The following NOL4 variants were observed in gnomAD, a reference collection of about 807,000 sequenced individuals.
The protein encoded by NOL4 is nucleolar protein 4.
NOL4 carries 17 observed loss-of-function variants against 75.9 expected under a neutral mutation model. That is an observed-to-expected ratio of 0.22 (90% CI 0.15 to 0.34). NOL4 has a LOEUF of 0.34. Among genes scored for constraint, NOL4 ranks in the 10% least tolerant of loss-of-function variants. The pLI is 1.00. For synonymous variants in NOL4, 292 were observed against 289.9 expected (o/e 1.01, Z -0.07); for missense variants, 614 against 793.5 (o/e 0.77, Z 2.72).
intron 6 of NOL4, among the ~76,000 whole-genome samples, chr18:34,013,203 T>C (rs2074478682): frequency 6.6e-6 from 1 of 151,974 alleles, no homozygotes; most frequent in Non-Finnish European, 1.5e-5. Context: ...CTTTATCCTG[T>C]GGCTAAAGTT....
intron 2 of NOL4, among the ~76,000 whole-genome samples, chr18:34,117,761 ACTGC>A (rs2079929421): frequency 6.6e-6 from 1 of 152,198 alleles, no homozygotes; most frequent in African/African-American, 2.4e-5. Flanking sequence ...AATGTAAATA[ACTGC>A]CTCTTCCTAA....
chr18:34,043,864 C>A (rs2076246858), intron 5 of NOL4, among the ~76,000 whole-genome samples: 1 of 152,012 alleles, frequency 6.6e-6, no homozygotes, highest in Non-Finnish European at 1.5e-5. Context: ...AAAGGCCCAA[C>A]CTTTTGACTT....
chr18:34,065,070 G>A (rs544857106), intron 5 of NOL4, among the ~76,000 whole-genome samples: 155 of 151,914 alleles, frequency 1.0e-3, no homozygotes, highest in African/African-American at 3.6e-3. Flanking sequence ...AATAAAAACA[G>A]GCAGTCAACT....
At chr18:34,217,524 C>A (rs1251665874) in intron 1 of NOL4, among the ~76,000 whole-genome samples, 1 of 152,014 alleles carries the variant, frequency 6.6e-6, no homozygotes, top group Non-Finnish European at 1.5e-5. Context: ...TGAGCTCAGG[C>A]AATCCGCCTG....
intron 9 of NOL4, among the ~76,000 whole-genome samples, chr18:33,934,932 C>T (rs571186730): frequency 1.1e-4 from 17 of 148,496 alleles, no homozygotes; most frequent in Non-Finnish European, 2.2e-4. Flanking sequence ...AATCATGGCT[C>T]ACTGCAGCCT....
intron 10 of NOL4, among the ~76,000 whole-genome samples, chr18:33,867,676 AC>A (rs1448498871): frequency 4.1e-5 from 6 of 147,250 alleles, no homozygotes; most frequent in African/African-American, 1.5e-4. Context: ...ACACACACAC[AC>A]ACAATTCCAT....
At chr18:34,162,818 G>A (rs1337934066) in intron 1 of NOL4, among the ~76,000 whole-genome samples, 1 of 152,130 alleles carries the variant, frequency 6.6e-6, no homozygotes, top group Non-Finnish European at 1.5e-5. Context: ...ATATCCTGAT[G>A]AACATTGATG....
intron 5 of NOL4, among the ~76,000 whole-genome samples, chr18:34,081,819 TACATA>T (rs1382129277): frequency 6.6e-6 from 1 of 152,184 alleles, no homozygotes; most frequent in East Asian, 1.9e-4. Context: ...AAAAGTCAAT[TACATA>T]TTTAACAGAT....
chr18:34,179,770 A>G (rs924714350), intron 1 of NOL4, among the ~76,000 whole-genome samples: 1 of 151,614 alleles, frequency 6.6e-6, no homozygotes, highest in African/African-American at 2.4e-5. Flanking sequence ...CAGCAAGAAG[A>G]TACTCTCTGT....
At chr18:34,208,839 G>T (rs1189549985) in intron 1 of NOL4, among the ~76,000 whole-genome samples, 1 of 152,046 alleles carries the variant, frequency 6.6e-6, no homozygotes, top group South Asian at 2.1e-4. Flanking sequence ...TCCAGCCTGG[G>T]CAACAGAGCA....
At chr18:34,030,806 A>G (rs2075601741) in intron 5 of NOL4, among the ~76,000 whole-genome samples, 1 of 152,218 alleles carries the variant, frequency 6.6e-6, no homozygotes, top group Non-Finnish European at 1.5e-5. Flanking sequence ...ATGTAAAAAC[A>G]TCACTGTGTA....
intron 10 of NOL4, among the ~76,000 whole-genome samples, chr18:33,869,809 A>G (rs1329303543): frequency 2.0e-5 from 3 of 152,082 alleles, no homozygotes; most frequent in African/African-American, 7.2e-5. Context: ...GATGTAGAAC[A>G]CATGTGTCTG....
At chr18:34,034,413 G>T (rs938660543) in intron 5 of NOL4, among the ~76,000 whole-genome samples, 8 of 152,150 alleles carry the variant, frequency 5.3e-5, no homozygotes, top group Non-Finnish European at 1.2e-4. Context: ...GAATGAAAGT[G>T]CAGAGATGGA....
At chr18:34,114,419 A>C (rs961226810) in intron 2 of NOL4, among the ~76,000 whole-genome samples, 4 of 152,212 alleles carry the variant, frequency 2.6e-5, no homozygotes, top group Non-Finnish European at 5.9e-5. Flanking sequence ...CACAACTTCC[A>C]TGTGACAAAC....
chr18:33,959,412 G>A (rs1330924485), intron 6 of NOL4, among the ~76,000 whole-genome samples: 6 of 151,994 alleles, frequency 3.9e-5, no homozygotes, highest in African/African-American at 1.4e-4. Flanking sequence ...AAGTTTGGAA[G>A]AGTGACCTGG....
rs1402021422 is a variant in NOL4 at position 33,869,447 on chromosome 18, CT to C, written c.1723+13796del. On this transcript the variant is annotated intron_variant, in intron 10 of 10. Coordinates refer to ENST00000261592, the MANE Select transcript of NOL4 (RefSeq NM_003787.5). The stretch of plus-strand genomic sequence containing the variant: ...TAGATCCTGCTACCTCTAGAGTATC[CT>C]TTTTGCTCTTAGAGTCTAATAATTT... Among the ~76,000 whole-genome samples the C allele has an allele frequency of 5.3e-5, 8 of 151,938 alleles. No homozygotes were observed. In the East Asian group the frequency reaches 1.4e-3, roughly 26 times the overall value.
At chr18:34,137,732 T>C (rs949747450) in intron 1 of NOL4, among the ~76,000 whole-genome samples, 30 of 150,086 alleles carry the variant, frequency 2.0e-4, no homozygotes, top group Non-Finnish European at 3.7e-4. Flanking sequence ...AAGTTAAACA[T>C]AGACTTACCA....
In NOL4 at chr18:34,113,079, C is replaced by T. The variant is rs184856879; in HGVS notation, c.415-7919G>A. Among the ~76,000 whole-genome samples the T allele has an allele frequency of 3.0e-3, 458 of 152,292 alleles. 2 individuals carry two copies. Among genetic ancestry groups the T allele is most frequent in the Middle Eastern group, 0.017 (5 of 294 alleles). ...GTCCTGGGCTCAAGTGATCGATCCT[C>T]CTGCCTCAGCCTCCCAATTAGCTAG... On this transcript the variant is annotated intron_variant, in intron 2 of 10. Coordinates refer to ENST00000261592, the MANE Select transcript of NOL4 (RefSeq NM_003787.5).
At chr18:34,152,345 G>A (rs1474389992) in intron 1 of NOL4, among the ~76,000 whole-genome samples, 2 of 151,814 alleles carry the variant, frequency 1.3e-5, no homozygotes, top group Non-Finnish European at 2.9e-5. Flanking sequence ...TGCAGTGAAT[G>A]AATGAACTAC....
Sources: gnomAD v4.1 joint callset for allele counts (sites outside exome capture counted in the v4.1 genomes callset) on GRCh38, gnomAD v4.1.1 for gene constraint, MANE v1.5 for transcripts, NCBI Gene and HGNC (gene_info 2026-07-23, HGNC 2026-07-21) for gene names.